The following ITGB5 variants were observed in gnomAD, a reference collection of about 807,000 sequenced individuals.
ITGB5 encodes the protein integrin beta-5.
ITGB5 carries 38 observed loss-of-function variants against 84.8 expected under a neutral mutation model. The ratio of observed to expected loss-of-function variants is 0.45; its 90% CI spans 0.35 to 0.59. The LOEUF is 0.59. Among genes scored for constraint, ITGB5 ranks in the 20% least tolerant of loss-of-function variants. The pLI is 0.01. For synonymous variants in ITGB5, 393 were observed against 414.4 expected, an observed-to-expected ratio of 0.95 and a Z score of 0.63; for missense variants, 905 against 1,034.5, an observed-to-expected ratio of 0.87 and a Z score of 1.72.
chr3:124,794,660 T>A (rs1489935665), intron 10 of ITGB5, among the ~76,000 whole-genome samples: 1 of 151,510 alleles, frequency 6.6e-6, no homozygotes, highest in Non-Finnish European at 1.5e-5. Flanking sequence ...TGGGTGCTTG[T>A]AATCCCAGCC....
chr3:124,854,042 T>C (rs1267025833), intron 3 of ITGB5, among the ~76,000 whole-genome samples: 1 of 152,210 alleles, frequency 6.6e-6, no homozygotes, highest in Admixed American at 6.5e-5. Flanking sequence ...TTCTTAAGGA[T>C]TTTATGCTCT....
At chr3:124,894,743 G>C (rs1041155004) in intron 1 of ITGB5, 1 of 152,166 alleles carries the variant, frequency 6.6e-6, no homozygotes, top group Non-Finnish European at 1.5e-5. Context: ...ATCATGTTTA[G>C]AGACTTCTTG....
chr3:124,799,940 C>T (rs1021084649), intron 9 of ITGB5, among the ~76,000 whole-genome samples: 4 of 152,132 alleles, frequency 2.6e-5, no homozygotes, highest in East Asian at 1.9e-4. Context: ...GGGCTGGGAA[C>T]GATTTGAGCC....
rs779302840 is a variant in ITGB5 at position 124,848,337 on chromosome 3, G to A, written c.583C>T (p.Pro195Ser). Residue 195 changes from proline (P) to serine (S), a missense_variant, in exon 4 of 15, where the codon CCG becomes TCG. Pro to Ser is a moderately conservative substitution (Grantham distance 74, BLOSUM62 -1). Transcript: ENST00000296181. ...KDISPFSYTA[P>S]RYQTNPCIGY... ...ATGCACGGATTGGTCTGGTACCTCGGTGCCGTGTAGGAGAAAGGAGAGATG... is the reference window on the plus strand; with the variant it reads ...ATGCACGGATTGGTCTGGTACCTCGATGCCGTGTAGGAGAAAGGAGAGATG... The A allele has an allele frequency of 1.3e-5, 21 of 1,614,026 alleles. No homozygotes were observed. Among genetic ancestry groups the A allele is most frequent in the Middle Eastern group, 1.6e-4 (1 of 6,084 alleles).
chr3:124,780,299 A>G (rs1314036200), intron 10 of ITGB5, among the ~76,000 whole-genome samples: 4 of 152,202 alleles, frequency 2.6e-5, no homozygotes, highest in Non-Finnish European at 5.9e-5. Context: ...GCAGAGGGCT[A>G]GCAGGACCGC....
chr3:124,798,569 G>C (rs557129548), intron 9 of ITGB5, among the ~76,000 whole-genome samples: 1 of 152,136 alleles, frequency 6.6e-6, no homozygotes, highest in East Asian at 1.9e-4. Flanking sequence ...ACAGGTGCCT[G>C]TCACCATGCC....
At chr3:124,885,097 C>T (rs1934740543) in intron 1 of ITGB5, among the ~76,000 whole-genome samples, 1 of 152,054 alleles carries the variant, frequency 6.6e-6, no homozygotes, top group Non-Finnish European at 1.5e-5. Context: ...ATGGTGAAAC[C>T]CCATCTCTAC....
At chr3:124,887,820 A>G, upstream of ITGB5, 1 of 303,146 alleles carries the variant, frequency 3.3e-6, no homozygotes, top group Non-Finnish European at 7.1e-6. Flanking sequence ...GATGGGACGT[A>G]GACGCCCGCG....
intron 10 of ITGB5, chr3:124,792,845 C>T (rs1043719100): frequency 1.1e-4 from 17 of 152,028 alleles, no homozygotes; most frequent in African/African-American, 2.4e-4. Flanking sequence ...GCAGGATTAA[C>T]TTAGGATTGT....
At chr3:124,832,375 T>C (rs1047842470) in intron 5 of ITGB5, among the ~76,000 whole-genome samples, 1 of 152,236 alleles carries the variant, frequency 6.6e-6, no homozygotes, top group Non-Finnish European at 1.5e-5. Context: ...TTGGGGAAGT[T>C]ACTTCACCTT....
chr3:124,815,192 G>A (rs1365925805), intron 8 of ITGB5, among the ~76,000 whole-genome samples: 6 of 152,180 alleles, frequency 3.9e-5, no homozygotes, highest in Non-Finnish European at 8.8e-5. Flanking sequence ...GCACAGACAC[G>A]CAGAACCCAC....
At chr3:124,811,036 T>A (rs2064493585) in intron 8 of ITGB5, among the ~76,000 whole-genome samples, 1 of 152,210 alleles carries the variant, frequency 6.6e-6, no homozygotes, top group Non-Finnish European at 1.5e-5. Context: ...TAAAAAATAG[T>A]CTCTCCCTTT....
chr3:124,859,517 C>T, intron 2 of ITGB5, 71 bp from the exon 3 acceptor site: 1 of 1,214,278 alleles, frequency 8.2e-7, no homozygotes, highest in Non-Finnish European at 1.2e-6. Flanking sequence ...CATGTCGTGG[C>T]TGCGTCTCCA....
chr3:124,771,233 G>C (rs1371136856), intron 11 of ITGB5, among the ~76,000 whole-genome samples: 1 of 152,192 alleles, frequency 6.6e-6, no homozygotes, highest in African/African-American at 2.4e-5. Flanking sequence ...AAAGTGAAAA[G>C]TGTGGTTAGT....
At chr3:124,766,690 A>G (rs1265132421) in intron 12 of ITGB5, among the ~76,000 whole-genome samples, 1 of 152,144 alleles carries the variant, frequency 6.6e-6, no homozygotes, top group Admixed American at 6.5e-5. Context: ...AGGGATAAAG[A>G]AAGAAAGAAA....
At chr3:124,871,771 A>G (rs532781379) in intron 2 of ITGB5, among the ~76,000 whole-genome samples, 3 of 152,190 alleles carry the variant, frequency 2.0e-5, no homozygotes, top group Admixed American at 6.5e-5. Flanking sequence ...GGCTGTAGTG[A>G]GCTATGATCA....
Position 124,762,800 on chromosome 3 carries a change from C to G in ITGB5, c.*823G>C, listed in dbSNP as rs1286056435. ...GTTCCCCCTTGCACAGCCCTCACTGCCCCGAGCACCTCATGCTTACTTGAC... is the reference window on the plus strand; with the variant it reads ...GTTCCCCCTTGCACAGCCCTCACTGGCCCGAGCACCTCATGCTTACTTGAC... On this transcript the variant is annotated 3_prime_UTR_variant, in exon 15 of 15. Coordinates refer to ENST00000296181, the MANE Select transcript of ITGB5 (RefSeq NM_002213.5). The G allele has an allele frequency of 6.6e-6, 1 of 152,252 alleles. No individual in the cohort carries two copies. The highest frequency in any genetic ancestry group is 1.5e-5 in the Non-Finnish European group (1 of 68,090). 9.4% of individuals were successfully genotyped at this position (152,252 alleles called of 1,614,324 possible). A position where few individuals can be genotyped will look rare whatever the true frequency, so the allele number is the denominator to read the frequency against.
chr3:124,864,549 G>A (rs532768500), intron 2 of ITGB5, among the ~76,000 whole-genome samples: 4 of 152,084 alleles, frequency 2.6e-5, no homozygotes, highest in East Asian at 1.9e-4. Context: ...CAAATACTAC[G>A]TTTTCCCTTA....
chr3:124,848,248 T>A, intron 4 of ITGB5, 61 bp downstream of exon 4: 1 of 1,580,232 alleles, frequency 6.3e-7, no homozygotes, highest in Non-Finnish European at 8.6e-7. Context: ...TGAGCTAAAT[T>A]TTCCTGCTTC....
Sources: gnomAD v4.1 joint callset for allele counts (sites outside exome capture counted in the v4.1 genomes callset) on GRCh38, gnomAD v4.1.1 for gene constraint, MANE v1.5 for transcripts, NCBI Gene and HGNC (gene_info 2026-07-23, HGNC 2026-07-21) for gene names.